Variants in USH2A observed in about 807,000 individuals in gnomAD.
USH2A encodes Usher syndrome 2A (autosomal recessive, mild).
Under a neutral mutation model 538.9 loss-of-function variants are expected in USH2A, and 443 were observed. The ratio of observed to expected loss-of-function variants is 0.82; its 90% CI spans 0.76 to 0.89. The LOEUF (loss-of-function observed/expected upper bound fraction) is 0.89, where lower values mean the gene tolerates loss of function less well. USH2A is among the 40% of genes least tolerant of loss of function. USH2A has a pLI of 0.00. For synonymous variants in USH2A, 2,413 were observed against 2,273.5 expected (o/e 1.06, Z -1.75); for missense variants, 6,633 against 6,324.8 (o/e 1.05, Z -1.65).
chr1:216,256,901 C>A (rs1340873597), intron 11 of USH2A, among the ~76,000 whole-genome samples: 1 of 151,924 alleles, frequency 6.6e-6, no homozygotes, highest in East Asian at 1.9e-4. Flanking sequence ...TTTGACTGTG[C>A]AGGGAATCAG....
chr1:216,298,203 C>G (rs1190121792), intron 9 of USH2A, among the ~76,000 whole-genome samples: 2 of 152,134 alleles, frequency 1.3e-5, no homozygotes, highest in Non-Finnish European at 2.9e-5. Flanking sequence ...GAGATGGAAA[C>G]TGTGGTCCTG....
chr1:215,772,592 A>G (rs1661322990), intron 55 of USH2A, among the ~76,000 whole-genome samples: 1 of 152,244 alleles, frequency 6.6e-6, no homozygotes. Flanking sequence ...CCTTTAGTTC[A>G]TAAAAATATG....
chr1:216,011,309 T>C (rs1436127008), intron 32 of USH2A, among the ~76,000 whole-genome samples: 6 of 152,146 alleles, frequency 3.9e-5, no homozygotes, highest in Admixed American at 3.3e-4. Context: ...TGCTTTCACT[T>C]GGACTGACCC....
chr1:216,070,886 C>A (rs561951624), intron 29 of USH2A, among the ~76,000 whole-genome samples: 1 of 151,998 alleles, frequency 6.6e-6, no homozygotes, highest in South Asian at 2.1e-4. Context: ...GAGCTGGTGC[C>A]TTTGAGATTC....
At chr1:216,073,570 C>T (rs1046932487) in intron 27 of USH2A, among the ~76,000 whole-genome samples, 3 of 152,150 alleles carry the variant, frequency 2.0e-5, no homozygotes, top group African/African-American at 7.2e-5. Flanking sequence ...ATTTTACCTC[C>T]TTAGGCCCAC....
intron 70 of USH2A, among the ~76,000 whole-genome samples, chr1:215,632,744 C>G (rs1656324149): frequency 6.6e-6 from 1 of 152,172 alleles, no homozygotes; most frequent in Non-Finnish European, 1.5e-5. Flanking sequence ...TCTTCCACTG[C>G]CTTCCTCCAG....
At chr1:215,911,043 AT>A (rs898874152) in intron 38 of USH2A, among the ~76,000 whole-genome samples, 5 of 151,652 alleles carry the variant, frequency 3.3e-5, no homozygotes, top group Non-Finnish European at 1.5e-5. Context: ...CTTGAGAACA[AT>A]TTTTTTCTTA....
intron 21 of USH2A, among the ~76,000 whole-genome samples, chr1:216,126,145 T>C (rs976526205): frequency 6.6e-6 from 1 of 152,118 alleles, no homozygotes; most frequent in African/African-American, 2.4e-5. Context: ...TGGAAGAGAG[T>C]GCCTAAATGC....
chr1:215,970,763 A>G lies in USH2A; in HGVS notation c.6819T>C (p.Ser2273=). 1.2e-6 allele frequency: 2 copies of G among 1,613,434 alleles called. No homozygotes were observed. The highest frequency in any genetic ancestry group is 1.1e-5 in the South Asian group (1 of 91,068). The change falls in exon 36 of 72, where the codon AGT becomes AGC. Residue 2273 remains serine, a synonymous_variant. Coordinates refer to ENST00000307340, the MANE Select transcript of USH2A (RefSeq NM_206933.4). ...ATATACCATCTAGATATAATCCATA[A>G]CTCGTGATAACACCTGGGAAGATAA... is the stretch of plus-strand genomic sequence containing the variant. ...EPEYPNGVIT[S]YGLYLDGILI... is the part of the protein sequence containing the mutation.
At chr1:215,979,676 T>C (rs1667704386) in intron 35 of USH2A, among the ~76,000 whole-genome samples, 1 of 152,110 alleles carries the variant, frequency 6.6e-6, no homozygotes, top group Non-Finnish European at 1.5e-5. Context: ...AGAAGAAATA[T>C]CTTTAGCAGT....
intron 3 of USH2A, among the ~76,000 whole-genome samples, chr1:216,390,538 T>G (rs1458603009): frequency 6.6e-6 from 1 of 152,198 alleles, no homozygotes; most frequent in Non-Finnish European, 1.5e-5. Context: ...TTGGGTTACA[T>G]GCATTCTACT....
intron 30 of USH2A, among the ~76,000 whole-genome samples, chr1:216,059,282 G>A (rs956623016): frequency 5.3e-5 from 8 of 152,176 alleles, no homozygotes; most frequent in Non-Finnish European, 7.4e-5. Flanking sequence ...CAAAAATAAC[G>A]TGATTTAAAG....
At chr1:216,114,200 ATATT>A (rs2032946215) in intron 21 of USH2A, among the ~76,000 whole-genome samples, 2 of 151,898 alleles carry the variant, frequency 1.3e-5, no homozygotes, top group African/African-American at 4.8e-5. Flanking sequence ...TATGGAAAAA[ATATT>A]TATTTTTATG....
intron 35 of USH2A, among the ~76,000 whole-genome samples, chr1:215,986,758 T>C (rs1367614591): frequency 6.6e-6 from 1 of 152,232 alleles, no homozygotes; most frequent in East Asian, 1.9e-4. Context: ...TATGATTGCA[T>C]ATGAATATGC....
At position 215,771,579 on chromosome 1, in the gene USH2A, C is replaced by CAAAAAAAAAAAAA. The variant is rs759067576; in HGVS notation, c.10940-4804_10940-4792dup. Among the ~76,000 whole-genome samples the CAAAAAAAAAAAAA allele has an allele frequency of 9.1e-4, 40 of 43,998 alleles. 4 individuals are homozygous for CAAAAAAAAAAAAA. Among genetic ancestry groups the CAAAAAAAAAAAAA allele is most frequent in the African/African-American group, 9.5e-4 (9 of 9,454 alleles). 28.9% of individuals were successfully genotyped at this position (43,998 alleles called of 152,430 possible). ...TGGGCGACAGAGCGAGACTCCGTCT[C>CAAAAAAAAAAAAA]AAAAAAAAAAAAAAAAAAAAAAAAA... is the stretch of plus-strand genomic sequence containing the variant. On this transcript the variant is annotated intron_variant, in intron 55 of 71. Transcript: ENST00000307340.
chr1:216,153,464 C>T (rs1312788233), intron 21 of USH2A, among the ~76,000 whole-genome samples: 1 of 152,178 alleles, frequency 6.6e-6, no homozygotes, highest in Non-Finnish European at 1.5e-5. Flanking sequence ...AACAGGGTGT[C>T]AGGGAATTCT....
chr1:215,965,961 A>ACACG (rs1553282014), intron 36 of USH2A, among the ~76,000 whole-genome samples: 1 of 148,292 alleles, frequency 6.7e-6, no homozygotes, highest in Non-Finnish European at 1.5e-5. Flanking sequence ...ACACACACAC[A>ACACG]CGCATGCATA....
intron 71 of USH2A, among the ~76,000 whole-genome samples, chr1:215,627,928 G>C (rs908834102): frequency 1.3e-5 from 2 of 152,128 alleles, no homozygotes; most frequent in African/African-American, 4.8e-5. Context: ...AAAATTCTAG[G>C]ATTTTTGTTA....
At position 216,292,363 on chromosome 1, in the gene USH2A, C is replaced by T. The variant is rs746477843; in HGVS notation, c.1652G>A (p.Arg551His). 2.9e-5 allele frequency: 46 copies of T among 1,613,448 alleles called. No individual in the cohort carries two copies. Among genetic ancestry groups the T allele is most frequent in the African/African-American group, 4.0e-5 (3 of 74,858 alleles). Residue 551 changes from arginine to histidine, a missense_variant, in exon 10 of 72, where the codon CGC (arginine) becomes CAC (histidine). Arg to His is a conservative substitution (Grantham distance 29). Coordinates refer to ENST00000307340, the MANE Select transcript of USH2A (RefSeq NM_206933.4). ...ESFTEGLHCD[R>H]CLPLYNDKPF... ...CTTGTCATTATAAAGAGGCAAGCAG[C>T]GATCACACTAGAACAAAAAATATCA...
Sources: allele counts gnomAD v4.1 joint callset (sites outside exome capture counted in the v4.1 genomes callset), GRCh38; gene constraint gnomAD v4.1.1; transcripts MANE v1.5; gene names NCBI Gene and HGNC (gene_info 2026-07-23, HGNC 2026-07-21).